The following PARVA variants were observed in gnomAD, a reference collection of about 807,000 sequenced individuals.
PARVA encodes the protein parvin alpha, also known as alpha-parvin.
In PARVA, 25 loss-of-function variants were observed where a neutral mutation model predicts 52.6. That is an observed-to-expected ratio of 0.48 (90% CI 0.35 to 0.66). The LOEUF (loss-of-function observed/expected upper bound fraction) is 0.66, where lower values mean the gene tolerates loss of function less well. Among genes scored for constraint, PARVA ranks in the 30% least tolerant of loss-of-function variants. PARVA has a pLI of 0.01. For missense variants in PARVA, 373 were observed against 450.9 expected, an observed-to-expected ratio of 0.83 and a Z score of 1.56; for synonymous variants, 185 against 179.1, an observed-to-expected ratio of 1.03 and a Z score of -0.26.
chr11:12,417,895 T>C (rs185216363), intron 1 of PARVA, among the ~76,000 whole-genome samples: 1 of 152,194 alleles, frequency 6.6e-6, no homozygotes, highest in Non-Finnish European at 1.5e-5. Flanking sequence ...GCGAGGCATC[T>C]CTGGCCAGGG....
intron 12 of PARVA, among the ~76,000 whole-genome samples, chr11:12,523,260 G>A (rs1215723184): frequency 6.6e-6 from 1 of 152,154 alleles, no homozygotes; most frequent in Non-Finnish European, 1.5e-5. Context: ...TGCGAGACAG[G>A]ATGAGATAGA....
intron 10 of PARVA, among the ~76,000 whole-genome samples, chr11:12,515,273 T>TTA (rs1211170210): frequency 6.6e-6 from 1 of 152,234 alleles, no homozygotes; most frequent in African/African-American, 2.4e-5. Flanking sequence ...AGCTTCTGCC[T>TTA]TATACTTCTC....
Position 12,513,954 on chromosome 11 carries a change from A to C in PARVA, c.799-43A>C, listed in dbSNP as rs369218305. On this transcript the variant is annotated intron_variant, in intron 9 of 12. Transcript: ENST00000334956. ...CGGAGCAGCCACAGGCTCCTGCACT[A>C]GTGCGAGTCCCCAGCTTAGGGCCTG... The C allele has an allele frequency of 1.4e-5, 4 of 280,348 alleles. No homozygotes were observed. The African/African-American group carries it at 1.8e-4, about 13-fold the overall frequency. 17.4% of individuals were successfully genotyped at this position (280,348 alleles called of 1,614,324 possible). A position where few individuals can be genotyped will look rare whatever the true frequency, so the allele number is the denominator to read the frequency against.
intron 1 of PARVA, among the ~76,000 whole-genome samples, chr11:12,390,743 T>G (rs527863299): frequency 2.4e-4 from 36 of 152,286 alleles, no homozygotes; most frequent in African/African-American, 8.4e-4. Context: ...CTATTTACCA[T>G]GAGGCTGAGC....
intron 4 of PARVA, chr11:12,479,948 G>C (rs1941064719): frequency 6.6e-6 from 1 of 152,258 alleles, no homozygotes; most frequent in Non-Finnish European, 1.5e-5. Context: ...TTGAGGCTGG[G>C]CGCGGTGGCT....
At chr11:12,459,209 C>T (rs1296195182) in intron 1 of PARVA, among the ~76,000 whole-genome samples, 1 of 151,730 alleles carries the variant, frequency 6.6e-6, no homozygotes, top group Non-Finnish European at 1.5e-5. Flanking sequence ...CGAGACCAGC[C>T]TGGGCAACAT....
At chr11:12,408,090 G>C (rs1408693213) in intron 1 of PARVA, among the ~76,000 whole-genome samples, 4 of 152,216 alleles carry the variant, frequency 2.6e-5, no homozygotes, top group Non-Finnish European at 5.9e-5. Flanking sequence ...TGTCCTGCCA[G>C]TTCTAAGGTC....
intron 12 of PARVA, among the ~76,000 whole-genome samples, chr11:12,520,505 T>C (rs1347278332): frequency 6.6e-6 from 1 of 152,218 alleles, no homozygotes; most frequent in African/African-American, 2.4e-5. Context: ...TTCTCTGCTG[T>C]GCTGTTTAAC....
intron 5 of PARVA, among the ~76,000 whole-genome samples, chr11:12,500,445 A>C (rs4757537): frequency 0.93 from 142,206 of 152,230 alleles, 67,213 homozygotes; most frequent in East Asian, 1. Context: ...AGTGGGTAGA[A>C]TCTGTTTTAA....
chr11:12,525,789 C>T (rs772086950), intron 12 of PARVA, among the ~76,000 whole-genome samples: 1 of 152,158 alleles, frequency 6.6e-6, no homozygotes, highest in Non-Finnish European at 1.5e-5. Context: ...CAGGCCACTC[C>T]AGGCCTCTCC....
rs888481362 is a variant in PARVA at position 12,534,098 on chromosome 11, G to A, written c.*6173G>A. Among the ~76,000 whole-genome samples the A allele has an allele frequency of 6.6e-6, 1 of 152,098 alleles. No individual in the cohort carries two copies. The highest frequency in any genetic ancestry group is 1.5e-5 in the Non-Finnish European group (1 of 68,024). On this transcript the variant is annotated 3_prime_UTR_variant, in exon 13 of 13. Coordinates refer to ENST00000334956, the MANE Select transcript of PARVA (RefSeq NM_018222.5). Reference sequence around the variant, plus strand: ...CAGAAGTATTGCTTGAACCCAGGAGGCAGAGGTTGCAATGAGCTGAGATCG... The same window carrying A: ...CAGAAGTATTGCTTGAACCCAGGAGACAGAGGTTGCAATGAGCTGAGATCG...
intron 1 of PARVA, among the ~76,000 whole-genome samples, chr11:12,446,442 C>CA (rs1449498955): frequency 6.6e-6 from 1 of 151,998 alleles, no homozygotes; most frequent in Non-Finnish European, 1.5e-5. Context: ...TGATGATATG[C>CA]AAAAAAGATC....
chr11:12,517,757 T>C, intron 11 of PARVA, 46 bp downstream of exon 11: 1 of 1,323,134 alleles, frequency 7.6e-7, no homozygotes, highest in Non-Finnish European at 1.1e-6. Context: ...CCACATCCCC[T>C]GACTCATGTG....
intron 1 of PARVA, among the ~76,000 whole-genome samples, chr11:12,395,754 C>T (rs985554903): frequency 2.0e-5 from 3 of 152,222 alleles, no homozygotes; most frequent in Admixed American, 1.3e-4. Flanking sequence ...CACCTAAAAT[C>T]AACAGCCAAC....
At chr11:12,418,708 GA>G (rs1438969497) in intron 1 of PARVA, among the ~76,000 whole-genome samples, 2 of 152,150 alleles carry the variant, frequency 1.3e-5, no homozygotes, top group East Asian at 3.9e-4. Context: ...ACTGATCACT[GA>G]ATGCCTCTGA....
chr11:12,473,800 T>A lies in PARVA; in HGVS notation c.192T>A (p.Ile64=). 6.4e-7 allele frequency: 1 copy of A among 1,572,136 alleles called. No homozygotes were observed. The highest frequency in any genetic ancestry group is 8.6e-7 in the Non-Finnish European group (1 of 1,157,692). Residue 64 remains isoleucine (I), a synonymous_variant, in exon 2 of 13, where the codon ATT becomes ATA. Transcript: ENST00000334956. ...MNAINLPLSP[I]PFELDPEDTM... ...CCATCAACCTGCCCCTCAGCCCAAT[T>A]CCCTTTGAGCTGGACCCCGAGGACA...
At chr11:12,433,521 G>GT (rs201657848) in intron 1 of PARVA, among the ~76,000 whole-genome samples, 4 of 151,914 alleles carry the variant, frequency 2.6e-5, no homozygotes, top group Non-Finnish European at 4.4e-5. Context: ...TTTGTTTTTT[G>GT]TTTTTTTAAG....
intron 12 of PARVA, among the ~76,000 whole-genome samples, chr11:12,519,553 C>A (rs1341196736): frequency 6.6e-6 from 1 of 152,122 alleles, no homozygotes; most frequent in Non-Finnish European, 1.5e-5. Flanking sequence ...GGAGGTGATA[C>A]CACTTCTGTC....
rs35501237 is a variant in PARVA, at chr11:12,484,504, G to GGTGTGT, written c.400+6595_400+6600dup. 8.0e-3 allele frequency among the ~76,000 whole-genome samples: 1,153 copies of GGTGTGT among 144,666 alleles called. 10 individuals carry two copies. Among genetic ancestry groups the GGTGTGT allele is most frequent in the African/African-American group, 0.025 (939 of 37,912 alleles). 94.9% of individuals were successfully genotyped at this position (144,666 alleles called of 152,430 possible). A position where few individuals can be genotyped will look rare whatever the true frequency, so the allele number is the denominator to read the frequency against. On this transcript the variant is annotated intron_variant, in intron 4 of 12. Coordinates refer to ENST00000334956, the MANE Select transcript of PARVA (RefSeq NM_018222.5). ...TTCTGCAGGAGGGTGGTTTTGTTTT[G>GGTGTGT]GTGTGTGTGTGTGTGTGTGTGTGTG...
Sources: gnomAD v4.1 joint callset for allele counts (sites outside exome capture counted in the v4.1 genomes callset) on GRCh38, gnomAD v4.1.1 for gene constraint, MANE v1.5 for transcripts, NCBI Gene and HGNC (gene_info 2026-07-23, HGNC 2026-07-21) for gene names.